The following GALNT17 variants were observed in gnomAD, a reference collection of about 807,000 sequenced individuals.
GALNT17 encodes the protein UDP-GalNAc:polypeptide N-acetylgalactosaminyltransferase-like 3.
A neutral mutation model predicts 63.7 loss-of-function variants in GALNT17; 29 were observed. The ratio of observed to expected loss-of-function variants is 0.46; its 90% CI spans 0.34 to 0.62. The LOEUF (loss-of-function observed/expected upper bound fraction) is 0.62. GALNT17 is among the 20% of genes least tolerant of loss of function. The probability of loss-of-function intolerance (pLI) is 0.01; values close to 1 mark genes in which losing one functional copy is unlikely to be tolerated. For missense variants in GALNT17, 603 were observed against 799.6 expected (o/e 0.75, Z 2.97); for synonymous variants, 305 against 318.3 (o/e 0.96, Z 0.45).
chr7:71,291,208 G>A (rs963231341), intron 1 of GALNT17, among the ~76,000 whole-genome samples: 2 of 151,834 alleles, frequency 1.3e-5, no homozygotes, highest in African/African-American at 4.9e-5. Context: ...CGAAATAGCA[G>A]AGTCGTTAAT....
intron 1 of GALNT17, among the ~76,000 whole-genome samples, chr7:71,141,886 G>GTGTA (rs1174812397): frequency 6.9e-6 from 1 of 144,544 alleles, no homozygotes; most frequent in African/African-American, 2.6e-5. Flanking sequence ...GTGTATGTGT[G>GTGTA]TATTTTTAGT....
At position 71,435,732 on chromosome 7, in the gene GALNT17, A is replaced by ATCCATT. The variant is rs535603394; in HGVS notation, c.962+14630_962+14631insATTTCC. ...ACCGAAGTTGCTCTAAAAAACTCTG[A>ATCCATT]TCCCCAGCCAGGCGCAATGGCTCAC... is the stretch of plus-strand genomic sequence containing the variant. On this transcript the variant is annotated intron_variant, in intron 5 of 10. Coordinates refer to ENST00000333538, the MANE Select transcript of GALNT17 (RefSeq NM_022479.3). Among the ~76,000 whole-genome samples, 435 of 152,158 alleles carry ATCCATT rather than the reference A, an allele frequency of 2.9e-3. 1 individual carries two copies. The highest frequency in any genetic ancestry group is 9.9e-3 in the African/African-American group (412 of 41,524).
chr7:71,328,807 A>G (rs1005183637), intron 1 of GALNT17, among the ~76,000 whole-genome samples: 6 of 152,114 alleles, frequency 3.9e-5, no homozygotes, highest in Non-Finnish European at 8.8e-5. Flanking sequence ...GCCTTTCATA[A>G]TGGAAGCAAT....
intron 3 of GALNT17, among the ~76,000 whole-genome samples, chr7:71,389,975 G>A (rs1364394778): frequency 6.6e-6 from 1 of 152,132 alleles, no homozygotes; most frequent in Admixed American, 6.5e-5. Flanking sequence ...TGGCATCCAG[G>A]GCAATGGGGG....
At chr7:71,344,979 G>C (rs887560765) in intron 2 of GALNT17, among the ~76,000 whole-genome samples, 1 of 151,862 alleles carries the variant, frequency 6.6e-6, no homozygotes, top group African/African-American at 2.4e-5. Context: ...AGCTCTGCTT[G>C]TCCGGCGTTT....
At chr7:71,247,507 A>G (rs1216379923) in intron 1 of GALNT17, among the ~76,000 whole-genome samples, 1 of 152,084 alleles carries the variant, frequency 6.6e-6, no homozygotes, top group African/African-American at 2.4e-5. Context: ...TCCCACTGAC[A>G]GTGCAGTGGC....
intron 1 of GALNT17, among the ~76,000 whole-genome samples, chr7:71,158,331 G>A (rs868507926): frequency 6.6e-6 from 1 of 151,574 alleles, no homozygotes; most frequent in South Asian, 2.1e-4. Context: ...AGATTGTAGT[G>A]TCACTGGCTG....
Position 71,657,364 on chromosome 7 carries a change from G to A in GALNT17, c.1081-8047G>A, listed in dbSNP as rs2117032460. ...AAATAAAGTAAATATATTGGAGAAG[G>A]TATGCTTTACATTTTTAAACATCAA... On this transcript the variant is annotated intron_variant, in intron 6 of 10. Transcript: ENST00000333538. Among the ~76,000 whole-genome samples the A allele has an allele frequency of 2.0e-5, 3 of 152,294 alleles. No homozygotes were observed. In the South Asian group the frequency reaches 6.2e-4, roughly 32 times the overall value.
At chr7:71,494,861 C>CA (rs1563135071) in intron 5 of GALNT17, among the ~76,000 whole-genome samples, 1 of 152,138 alleles carries the variant, frequency 6.6e-6, no homozygotes, top group African/African-American at 2.4e-5. Flanking sequence ...AAAGCTTGTG[C>CA]GGGGGAACTC....
intron 6 of GALNT17, among the ~76,000 whole-genome samples, chr7:71,617,132 A>G (rs1790222518): frequency 1.3e-5 from 2 of 149,108 alleles, no homozygotes; most frequent in Admixed American, 6.7e-5. Flanking sequence ...TATTTATACA[A>G]TATTATTTAT....
At chr7:71,255,713 G>A (rs1014658093) in intron 1 of GALNT17, among the ~76,000 whole-genome samples, 4 of 152,192 alleles carry the variant, frequency 2.6e-5, no homozygotes, top group Admixed American at 2.0e-4. Context: ...GAAACGTACA[G>A]GTTGCCTGGG....
chr7:71,533,402 C>T (rs1788752113), intron 5 of GALNT17, among the ~76,000 whole-genome samples: 1 of 152,156 alleles, frequency 6.6e-6, no homozygotes, highest in Non-Finnish European at 1.5e-5. Flanking sequence ...CTTGAGATTT[C>T]AGGAAGTAAT....
At chr7:71,388,205 ACT>A (rs1052907190) in intron 2 of GALNT17, 28 bp from the exon 3 acceptor site, 1 of 1,605,382 alleles carries the variant, frequency 6.2e-7, no homozygotes. Context: ...CCTTCCTCTG[ACT>A]CTGCATTTCC....
chr7:71,240,844 T>A (rs1198451002), intron 1 of GALNT17, among the ~76,000 whole-genome samples: 2 of 152,024 alleles, frequency 1.3e-5, no homozygotes, highest in African/African-American at 4.8e-5. Flanking sequence ...TTTTGTATTT[T>A]TAGTAGAGAC....
intron 5 of GALNT17, among the ~76,000 whole-genome samples, chr7:71,496,102 A>G (rs1788089848): frequency 6.6e-6 from 1 of 152,196 alleles, no homozygotes; most frequent in Non-Finnish European, 1.5e-5. Flanking sequence ...CGTCCTACAG[A>G]TGGTCGAGAC....
intron 5 of GALNT17, among the ~76,000 whole-genome samples, chr7:71,479,025 A>G (rs2116635772): frequency 6.6e-6 from 1 of 152,324 alleles, no homozygotes; most frequent in Non-Finnish European, 1.5e-5. Flanking sequence ...AGACCAAATC[A>G]CTTGGCACTT....
intron 1 of GALNT17, among the ~76,000 whole-genome samples, chr7:71,323,173 A>G (rs957054630): frequency 2.6e-5 from 4 of 152,188 alleles, no homozygotes; most frequent in Non-Finnish European, 5.9e-5. Context: ...TGCATGATTG[A>G]TGTAGAAGAA....
chr7:71,600,223 A>T (rs1419306514), intron 6 of GALNT17, among the ~76,000 whole-genome samples: 1 of 150,056 alleles, frequency 6.7e-6, no homozygotes, highest in African/African-American at 2.5e-5. Context: ...TTGAAATTTC[A>T]TGGGAAGGAA....
intron 5 of GALNT17, among the ~76,000 whole-genome samples, chr7:71,559,381 G>T (rs947828846): frequency 6.6e-6 from 1 of 152,206 alleles, no homozygotes; most frequent in Non-Finnish European, 1.5e-5. Flanking sequence ...GCCAGTGTGA[G>T]ATGATCTGGT....
Sources: gnomAD v4.1 joint callset for allele counts (sites outside exome capture counted in the v4.1 genomes callset) on GRCh38, gnomAD v4.1.1 for gene constraint, MANE v1.5 for transcripts, NCBI Gene and HGNC (gene_info 2026-07-23, HGNC 2026-07-21) for gene names.